Variants in SRD5A2 observed in about 807,000 individuals in gnomAD.
The protein encoded by SRD5A2 is 3-oxo-5-alpha-steroid 4-dehydrogenase 2.
In SRD5A2, 30 loss-of-function variants were observed where a neutral mutation model predicts 27.4. The ratio of observed to expected loss-of-function variants is 1.10; its 90% CI spans 0.82 to 1.49. SRD5A2 has a LOEUF of 1.49. SRD5A2 is among the 40% of genes most tolerant of loss of function. SRD5A2 has a pLI of 0.00. For synonymous variants in SRD5A2, 141 were observed against 133.6 expected, an observed-to-expected ratio of 1.06 and a Z score of -0.38; for missense variants, 348 against 323.4, an observed-to-expected ratio of 1.08 and a Z score of -0.58.
the SRD5A2 span, among the ~76,000 whole-genome samples, chr2:31,597,230 C>T: frequency 1.3e-5 from 2 of 152,138 alleles, no homozygotes; most frequent in Admixed American, 1.3e-4. Flanking sequence ...AGAAAGAACA[C>T]CCTACTCAAC....
At chr2:31,649,421 C>T in the SRD5A2 span, among the ~76,000 whole-genome samples, 3 of 152,034 alleles carry the variant, frequency 2.0e-5, no homozygotes, top group Admixed American at 6.6e-5. Flanking sequence ...TACAGCCTTC[C>T]ATTTTCCCAA....
chr2:31,625,098 C>T, the SRD5A2 span, among the ~76,000 whole-genome samples: 1 of 152,156 alleles, frequency 6.6e-6, no homozygotes, highest in Non-Finnish European at 1.5e-5. Context: ...ATTTGCATTT[C>T]TCTGATGACC....
At chr2:31,581,352 C>T (rs942324131), upstream of SRD5A2, among the ~76,000 whole-genome samples, 1 of 152,166 alleles carries the variant, frequency 6.6e-6, no homozygotes, top group Non-Finnish European at 1.5e-5. Context: ...AAGCCAAGGT[C>T]TTTCCATCTC....
the SRD5A2 span, among the ~76,000 whole-genome samples, chr2:31,647,241 G>A: frequency 1.3e-5 from 2 of 152,164 alleles, no homozygotes; most frequent in African/African-American, 4.8e-5. Context: ...ACCTTAGCGT[G>A]TATTCAATCC....
At chr2:31,626,992 C>T in the SRD5A2 span, among the ~76,000 whole-genome samples, 1 of 152,116 alleles carries the variant, frequency 6.6e-6, no homozygotes, top group Non-Finnish European at 1.5e-5. Flanking sequence ...TGGTCCTGGA[C>T]TTTTTTTGGT....
At chr2:31,556,095 G>C (rs527588017) in intron 1 of SRD5A2, among the ~76,000 whole-genome samples, 2 of 152,308 alleles carry the variant, frequency 1.3e-5, no homozygotes, top group Admixed American at 1.3e-4. Flanking sequence ...AGGCCATTGG[G>C]CCAACCAGTC....
At chr2:31,529,219 G>A (rs28383069) in intron 4 of SRD5A2, 88 bp downstream of exon 4, 54 of 1,523,540 alleles carry the variant, frequency 3.5e-5, no homozygotes, top group Non-Finnish European at 4.3e-5. Context: ...AAATATCTTC[G>A]GTTTCTCAAT....
At chr2:31,613,967 T>C in the SRD5A2 span, among the ~76,000 whole-genome samples, 1 of 151,836 alleles carries the variant, frequency 6.6e-6, no homozygotes, top group Non-Finnish European at 1.5e-5. Flanking sequence ...GCCCCACCCT[T>C]GACATGTGGG....
chr2:31,573,101 G>A (rs189784871), intron 1 of SRD5A2, among the ~76,000 whole-genome samples: 9 of 152,236 alleles, frequency 5.9e-5, no homozygotes, highest in Middle Eastern at 3.4e-3. Flanking sequence ...CCAGAAATCT[G>A]GGAACAGGCC....
chr2:31,605,317 T>C, the SRD5A2 span, among the ~76,000 whole-genome samples: 1 of 151,772 alleles, frequency 6.6e-6, no homozygotes, highest in Admixed American at 6.6e-5. Flanking sequence ...TTAAAAAGCA[T>C]CTTCACAGTA....
the SRD5A2 span, among the ~76,000 whole-genome samples, chr2:31,602,815 A>G: frequency 2.5e-4 from 38 of 151,992 alleles, no homozygotes; most frequent in African/African-American, 8.4e-4. Context: ...AGCAATGGGA[A>G]TAGGATTTCC....
At chr2:31,571,955 G>A (rs968625280) in intron 1 of SRD5A2, among the ~76,000 whole-genome samples, 4 of 152,096 alleles carry the variant, frequency 2.6e-5, no homozygotes, top group Non-Finnish European at 5.9e-5. Context: ...AATCACCATT[G>A]AACTCAGCAA....
chr2:31,644,303 A>G, the SRD5A2 span, among the ~76,000 whole-genome samples: 1 of 152,192 alleles, frequency 6.6e-6, no homozygotes, highest in Admixed American at 6.5e-5. Context: ...CAGTTAAATG[A>G]CCAGAGAGCC....
the SRD5A2 span, among the ~76,000 whole-genome samples, chr2:31,607,188 C>T: frequency 2.6e-5 from 4 of 151,972 alleles, no homozygotes; most frequent in South Asian, 2.1e-4. Flanking sequence ...GTATATGTAG[C>T]TGTAATTACT....
chr2:31,566,376 T>C (rs150352838), intron 1 of SRD5A2, among the ~76,000 whole-genome samples: 50 of 152,136 alleles, frequency 3.3e-4, no homozygotes, highest in African/African-American at 1.2e-3. Flanking sequence ...AACAATTAAA[T>C]GTAAAACAAA....
chr2:31,556,784 G>T (rs1452159597), intron 1 of SRD5A2, among the ~76,000 whole-genome samples: 1 of 152,190 alleles, frequency 6.6e-6, no homozygotes, highest in Non-Finnish European at 1.5e-5. Flanking sequence ...TATTACAGCA[G>T]TCACAGGAAG....
rs968715349 is a variant in SRD5A2, at chr2:31,525,425, G to A, written c.*771C>T. The A allele has an allele frequency of 4.4e-6, 1 of 227,032 alleles. No homozygotes were observed. Among genetic ancestry groups the A allele is most frequent in the East Asian group, 6.3e-5 (1 of 15,866 alleles). 14.1% of individuals were successfully genotyped at this position (227,032 alleles called of 1,614,324 possible). ...CCTCTTAGTAGCCATCCAGGGTCAT[G>A]TTGTTCTCTACTCTCTCATAAGCCA... On this transcript the variant is annotated 3_prime_UTR_variant, in exon 5 of 5. Coordinates refer to ENST00000622030, the MANE Select transcript of SRD5A2 (RefSeq NM_000348.4).
At chr2:31,550,928 G>T (rs1234306975) in intron 1 of SRD5A2, among the ~76,000 whole-genome samples, 1 of 151,892 alleles carries the variant, frequency 6.6e-6, no homozygotes, top group African/African-American at 2.4e-5. Flanking sequence ...AGAAATAAAA[G>T]TCATTTGCAA....
intron 1 of SRD5A2, among the ~76,000 whole-genome samples, chr2:31,579,587 G>A (rs938378595): frequency 9.2e-5 from 14 of 152,292 alleles, no homozygotes; most frequent in African/African-American, 3.1e-4. Context: ...GCATCTTAGC[G>A]GGCACCAGCT....
Sources: allele counts gnomAD v4.1 joint callset (sites outside exome capture counted in the v4.1 genomes callset), GRCh38; gene constraint gnomAD v4.1.1; transcripts MANE v1.5; gene names NCBI Gene and HGNC (gene_info 2026-07-23, HGNC 2026-07-21).